Variants in HSD17B4 observed in about 807,000 individuals in gnomAD.
HSD17B4 encodes the protein peroxisomal multifunctional enzyme type 2.
A neutral mutation model predicts 101.0 loss-of-function variants in HSD17B4; 70 were observed. The ratio of observed to expected loss-of-function variants is 0.69; its 90% CI spans 0.57 to 0.85. The LOEUF is 0.85. HSD17B4 is among the 40% of genes least tolerant of loss of function. The pLI, the probability that HSD17B4 is intolerant of heterozygous loss-of-function variation, is 0.00. For synonymous variants in HSD17B4, 347 were observed against 297.1 expected, an observed-to-expected ratio of 1.17 and a Z score of -1.73; for missense variants, 984 against 892.4, an observed-to-expected ratio of 1.10 and a Z score of -1.31.
chr5:119,518,981 AT>A (rs1752882714), intron 17 of HSD17B4, among the ~76,000 whole-genome samples: 1 of 152,010 alleles, frequency 6.6e-6, no homozygotes, highest in Non-Finnish European at 1.5e-5. Context: ...AATAATAATA[AT>A]AAAAAAATTA....
chr5:119,496,116 G>A (rs1462362960), intron 11 of HSD17B4, among the ~76,000 whole-genome samples: 3 of 152,292 alleles, frequency 2.0e-5, no homozygotes, highest in South Asian at 4.1e-4. Context: ...ACTGGGAGTA[G>A]GGGTGAGGAG....
intron 2 of HSD17B4, among the ~76,000 whole-genome samples, chr5:119,460,548 C>T (rs1414348115): frequency 2.6e-5 from 4 of 152,024 alleles, no homozygotes; most frequent in African/African-American, 9.7e-5. Flanking sequence ...CTTAGCAAGT[C>T]GTTATTTTGT....
chr5:119,452,764 T>C (rs767820201), intron 1 of HSD17B4, 131 bp downstream of exon 1: 16 of 1,574,662 alleles, frequency 1.0e-5, no homozygotes, highest in Non-Finnish European at 1.3e-5. Context: ...ATGGTTATTC[T>C]TGAGGCACCG....
chr5:119,525,110 A>C (rs1256429210), intron 17 of HSD17B4, 106 bp from the exon 18 acceptor site: 1 of 739,898 alleles, frequency 1.4e-6, no homozygotes, highest in Non-Finnish European at 2.4e-6. Context: ...CCTCAGGTAC[A>C]TTATGATACA....
At chr5:119,471,693 T>C (rs1356320598) in intron 2 of HSD17B4, 1 of 1,448,984 alleles carries the variant, frequency 6.9e-7, no homozygotes, top group East Asian at 2.5e-5. Flanking sequence ...GCAGATTCTT[T>C]GTTTCAAGTA....
At position 119,517,972 on chromosome 5, in the gene HSD17B4, C is replaced by T. The variant is rs527577617; in HGVS notation, c.1503+2926C>T. On this transcript the variant is annotated intron_variant, in intron 17 of 23. Coordinates refer to ENST00000510025, the MANE Select transcript of HSD17B4 (RefSeq NM_000414.4). ...ACGTGGAGAACCTTTATGTCTAGCTCAGGGATTGTAAACGCACCAATCAGC... is the reference window on the plus strand; with the variant it reads ...ACGTGGAGAACCTTTATGTCTAGCTTAGGGATTGTAAACGCACCAATCAGC... Among the ~76,000 whole-genome samples the T allele has an allele frequency of 6.7e-4, 102 of 152,264 alleles. 1 individual carries two copies. The highest frequency in any genetic ancestry group is 5.8e-3 in the Admixed American group (89 of 15,298).
At chr5:119,526,866 G>A (rs1753646274) in intron 19 of HSD17B4, among the ~76,000 whole-genome samples, 1 of 151,654 alleles carries the variant, frequency 6.6e-6, no homozygotes, top group African/African-American at 2.4e-5. Context: ...ATATGATTAT[G>A]GTTTTATTTC....
At chr5:119,473,845 CA>C (rs1748291139) in intron 2 of HSD17B4, 62 bp from the exon 3 acceptor site, 4 of 966,026 alleles carry the variant, frequency 4.1e-6, no homozygotes, top group Non-Finnish European at 6.7e-6. Flanking sequence ...TTTCCACACA[CA>C]CACACACACA....
intron 4 of HSD17B4, among the ~76,000 whole-genome samples, chr5:119,474,862 G>T (rs1007912512): frequency 6.6e-6 from 1 of 151,942 alleles, no homozygotes; most frequent in African/African-American, 2.4e-5. Context: ...AATTACTTAA[G>T]ATGATTTCTC....
intron 13 of HSD17B4, among the ~76,000 whole-genome samples, chr5:119,500,180 A>G (rs1463613059): frequency 1.3e-5 from 2 of 152,132 alleles, no homozygotes; most frequent in Non-Finnish European, 1.5e-5. Context: ...GGAGTCAAGC[A>G]TGAAAGCAGA....
rs181834847 is a variant in HSD17B4, at chr5:119,504,569, T to C, written c.1262-2249T>C. On this transcript the variant is annotated intron_variant, in intron 14 of 23. Transcript: ENST00000510025. ...CATTTTTTTTATGTTTGTTGGCCAC[T>C]TGTGTGTCTTCTTTTGAGAAGTGTC... 6.8e-4 allele frequency among the ~76,000 whole-genome samples: 104 copies of C among 152,300 alleles called. 1 individual carries two copies. Among genetic ancestry groups the C allele is most frequent in the Admixed American group, 6.0e-3 (91 of 15,292 alleles).
intron 23 of HSD17B4, among the ~76,000 whole-genome samples, chr5:119,540,553 C>T (rs900376171): frequency 1.3e-5 from 2 of 152,128 alleles, no homozygotes; most frequent in Admixed American, 6.6e-5. Context: ...AGTACTGACT[C>T]CTTCCCTGCA....
chr5:119,493,970 G>T, intron 11 of HSD17B4, 24 bp downstream of exon 11: 9 of 1,612,082 alleles, frequency 5.6e-6, no homozygotes, highest in Non-Finnish European at 7.6e-6. Flanking sequence ...CCGTCACTTA[G>T]CCCTGGTTGG....
chr5:119,456,571 C>T, intron 2 of HSD17B4: 1 of 578,360 alleles, frequency 1.7e-6, no homozygotes, highest in South Asian at 2.0e-5. Context: ...GAATTCCCAG[C>T]TTAACAGAAT....
chr5:119,480,218 T>C (rs1379367324), intron 8 of HSD17B4, among the ~76,000 whole-genome samples: 5 of 152,200 alleles, frequency 3.3e-5, no homozygotes. Flanking sequence ...GGGTTCTTTG[T>C]ATATTTTAGA....
intron 19 of HSD17B4, 107 bp from the exon 20 acceptor site, chr5:119,527,026 A>AT (rs911776299): frequency 3.4e-3 from 2,182 of 643,298 alleles, no homozygotes; most frequent in Non-Finnish European, 3.9e-3. Context: ...TTAAACCTTG[A>AT]TTTTTTTTTT....
At chr5:119,501,916 T>G in intron 13 of HSD17B4, 125 bp from the exon 14 acceptor site, 1 of 687,088 alleles carries the variant, frequency 1.5e-6, no homozygotes, top group Non-Finnish European at 2.7e-6. Flanking sequence ...CAAACAGAGA[T>G]AGATAACTTG....
At chr5:119,537,283 T>G (rs1754618886) in intron 23 of HSD17B4, among the ~76,000 whole-genome samples, 1 of 152,140 alleles carries the variant, frequency 6.6e-6, no homozygotes, top group South Asian at 2.1e-4. Flanking sequence ...GTATAGTAGG[T>G]AAAAAGTAGT....
Position 119,502,085 on chromosome 5 carries a change from C to A in HSD17B4, c.1254C>A (p.Pro418=). The part of the protein sequence containing the change: ...EQYLELYKPL[P]RAGKLKCEAV... ...ACTTAGAGTTATATAAACCACTTCCCAGAGCAGGTGAGTTATTGATATACT... is the reference window on the plus strand; with the variant it reads ...ACTTAGAGTTATATAAACCACTTCCAAGAGCAGGTGAGTTATTGATATACT... Residue 418 remains proline, a synonymous_variant, in exon 14 of 24, where the codon CCC becomes CCA. Coordinates refer to ENST00000510025, the MANE Select transcript of HSD17B4 (RefSeq NM_000414.4). 1 of 1,596,898 alleles carries A rather than the reference C, an allele frequency of 6.3e-7. No homozygotes were observed. The highest frequency in any genetic ancestry group is 8.6e-7 in the Non-Finnish European group (1 of 1,164,618).
Sources: gnomAD v4.1 joint callset for allele counts (sites outside exome capture counted in the v4.1 genomes callset) on GRCh38, gnomAD v4.1.1 for gene constraint, MANE v1.5 for transcripts, NCBI Gene and HGNC (gene_info 2026-07-23, HGNC 2026-07-21) for gene names.